TLE2: variants seen among roughly 807,000 people sequenced by gnomAD.
The protein encoded by TLE2 is transducin-like enhancer protein 2.
Under a neutral mutation model 97.2 loss-of-function variants are expected in TLE2, and 74 were observed. That is an observed-to-expected ratio of 0.76 (90% CI 0.63 to 0.92). TLE2 has a LOEUF of 0.92. Ranked by LOEUF, TLE2 falls within the 40% of genes least tolerant of loss-of-function variation. TLE2 has a pLI of 0.00. For missense variants in TLE2, 1,038 were observed against 1,008.7 expected, an observed-to-expected ratio of 1.03 and a Z score of -0.39; for synonymous variants, 499 against 432.1, an observed-to-expected ratio of 1.15 and a Z score of -1.92.
intron 19 of TLE2, among the ~76,000 whole-genome samples, chr19:3,000,206 G>C (rs2089324475): frequency 6.6e-6 from 1 of 150,896 alleles, no homozygotes; most frequent in African/African-American, 2.4e-5. Flanking sequence ...CGAGTAGCTG[G>C]GACTACAGGC....
At chr19:3,023,336 T>C (rs1164452731) in intron 5 of TLE2, among the ~76,000 whole-genome samples, 1 of 152,152 alleles carries the variant, frequency 6.6e-6, no homozygotes, top group Non-Finnish European at 1.5e-5. Flanking sequence ...GGGCTCGGCC[T>C]ACCTAAACTT....
chr19:3,043,334 G>A (rs540552698), intron 1 of TLE2, among the ~76,000 whole-genome samples: 2 of 148,106 alleles, frequency 1.4e-5, no homozygotes, highest in East Asian at 2.0e-4. Context: ...GATTATAGGC[G>A]TGAGCCATGG....
At chr19:3,008,820 G>T (rs1324996026) in intron 14 of TLE2, 49 bp downstream of exon 14, 9 of 1,440,540 alleles carry the variant, frequency 6.2e-6, no homozygotes, top group Admixed American at 4.6e-5. Flanking sequence ...CAGAGGAGGT[G>T]GGGGGCTGGC....
chr19:2,997,904 ATTTG>A lies in TLE2; in HGVS notation c.2172_2175del (p.Lys725ThrfsTer3). On this transcript the variant is annotated frameshift_variant, in exon 20 of 20. Transcript: ENST00000262953. LOFTEE classifies it high-confidence loss of function. ...TTGTCCCCCGAGCCTGTCACGATGTATTTGTTATTTCTGGAGATGTCACAACTCA... is the reference window on the plus strand; with the variant it reads ...TTGTCCCCCGAGCCTGTCACGATGTATTATTTCTGGAGATGTCACAACTCA... 1 of 1,613,098 alleles carries A rather than the reference ATTTG, an allele frequency of 6.2e-7. No homozygotes were observed. Among genetic ancestry groups the A allele is most frequent in the Non-Finnish European group, 8.5e-7 (1 of 1,179,626 alleles).
At chr19:3,024,367 G>A (rs1402337971) in intron 5 of TLE2, among the ~76,000 whole-genome samples, 2 of 151,884 alleles carry the variant, frequency 1.3e-5, no homozygotes, top group Admixed American at 6.6e-5. Flanking sequence ...GCACACACAC[G>A]GTTGTGCAGC....
intron 1 of TLE2, among the ~76,000 whole-genome samples, chr19:3,035,945 G>A (rs983166379): frequency 6.6e-6 from 1 of 152,208 alleles, no homozygotes; most frequent in African/African-American, 2.4e-5. Context: ...CCCCAAGCCT[G>A]GCCTATCTCC....
chr19:3,028,465 C>A lies in TLE2; in HGVS notation c.123-83G>T, dbSNP rs545459894. 3.4e-4 allele frequency: 480 copies of A among 1,401,132 alleles called. 1 individual carries two copies. In the African/African-American group the frequency reaches 6.0e-3, roughly 18 times the overall value. 86.8% of individuals were successfully genotyped at this position (1,401,132 alleles called of 1,614,324 possible). A position where few individuals can be genotyped will look rare whatever the true frequency, so the allele number is the denominator to read the frequency against. Reference sequence around the variant, plus strand: ...AAGTGAGAGGCTGGATCTCCCCCTCCCGACTTCCTTACAGACCTCCCCCCA... The same window carrying A: ...AAGTGAGAGGCTGGATCTCCCCCTCACGACTTCCTTACAGACCTCCCCCCA... On this transcript the variant is annotated intron_variant, in intron 2 of 19. Transcript: ENST00000262953.
intron 10 of TLE2, among the ~76,000 whole-genome samples, chr19:3,014,179 CAAAGTG>C (rs1402163944): frequency 6.6e-6 from 1 of 152,122 alleles, no homozygotes; most frequent in Non-Finnish European, 1.5e-5. Context: ...CTCAGCCTCC[CAAAGTG>C]CTGGGATCAC....
In TLE2 at chr19:3,005,517, T is replaced by G. The variant is rs771160191; in HGVS notation, c.1816A>C (p.Thr606Pro). ...DISDYGTRLW[T>P]GGLDNTVRCW... ...CGCACCGTGTTGTCCAGGCCCCCTG[T>G]CCAGAGCCGAGTGCCGTAATCGGAA... is the stretch of plus-strand genomic sequence containing the variant. The change falls in exon 17 of 20, where the codon ACA becomes CCA. Residue 606 changes from threonine to proline, a missense_variant. Physicochemically the swap from Thr to Pro is conservative, Grantham distance 38. Transcript: ENST00000262953. The G allele has an allele frequency of 6.2e-7, 1 of 1,613,744 alleles. No individual in the cohort carries two copies. The highest frequency in any genetic ancestry group is 8.5e-7 in the Non-Finnish European group (1 of 1,179,820).
intron 11 of TLE2, among the ~76,000 whole-genome samples, chr19:3,013,452 A>G (rs1418327234): frequency 6.6e-6 from 1 of 152,000 alleles, no homozygotes; most frequent in African/African-American, 2.4e-5. Flanking sequence ...AAATTTATCT[A>G]CAAAGCTTCT....
chr19:3,046,810 G>A (rs2090144415), upstream of TLE2, among the ~76,000 whole-genome samples: 1 of 151,846 alleles, frequency 6.6e-6, no homozygotes, highest in Admixed American at 6.6e-5. Flanking sequence ...GTTAGAGCGG[G>A]AGAGGTAACC....
intron 19 of TLE2, among the ~76,000 whole-genome samples, chr19:3,000,060 G>A (rs751953198): frequency 6.6e-5 from 10 of 150,714 alleles, no homozygotes; most frequent in Non-Finnish European, 1.3e-4. Context: ...TGAGTAAGAT[G>A]GCAAATTTTA....
intron 7 of TLE2, among the ~76,000 whole-genome samples, chr19:3,018,096 G>T (rs2089753818): frequency 6.6e-6 from 1 of 152,032 alleles, no homozygotes; most frequent in Non-Finnish European, 1.5e-5. Flanking sequence ...CATTGGGGGT[G>T]ATGTTGAACC....
At chr19:3,028,637 A>AC in intron 2 of TLE2, 69 bp downstream of exon 2, 1 of 1,550,682 alleles carries the variant, frequency 6.4e-7, no homozygotes, top group Non-Finnish European at 8.9e-7. Context: ...CCCGCCCTAT[A>AC]CCCCGGAGGC....
chr19:3,033,221 G>A (rs1015004688), upstream of TLE2, among the ~76,000 whole-genome samples: 2 of 151,844 alleles, frequency 1.3e-5, no homozygotes, highest in African/African-American at 4.8e-5. Context: ...AGGCTGGAGT[G>A]CAGTGGTGCC....
chr19:3,014,722 G>A, intron 9 of TLE2, 108 bp from the exon 10 acceptor site: 1 of 1,086,258 alleles, frequency 9.2e-7, no homozygotes, highest in Non-Finnish European at 1.3e-6. Context: ...CCTGGGGCAT[G>A]ACTGGGATTC....
At chr19:3,017,897 A>G in intron 7 of TLE2, 38 bp from the exon 8 acceptor site, 1 of 1,607,986 alleles carries the variant, frequency 6.2e-7, no homozygotes, top group Non-Finnish European at 8.5e-7. Context: ...AAAGAAGGAG[A>G]AAGAATGAGG....
At chr19:3,035,957 C>G (rs1395815503) in intron 1 of TLE2, among the ~76,000 whole-genome samples, 3 of 152,198 alleles carry the variant, frequency 2.0e-5, no homozygotes, top group Non-Finnish European at 4.4e-5. Context: ...CCTATCTCCC[C>G]TTCAAAACAA....
intron 1 of TLE2, among the ~76,000 whole-genome samples, chr19:3,035,030 C>T (rs1001819471): frequency 6.6e-6 from 1 of 152,202 alleles, no homozygotes; most frequent in African/African-American, 2.4e-5. Context: ...CTAACAGGCA[C>T]ACTGCACCGG....
Sources: gnomAD v4.1 joint callset for allele counts (sites outside exome capture counted in the v4.1 genomes callset) on GRCh38, gnomAD v4.1.1 for gene constraint, MANE v1.5 for transcripts, NCBI Gene and HGNC (gene_info 2026-07-23, HGNC 2026-07-21) for gene names.